The following EFHC2 variants were observed in gnomAD, a reference collection of about 807,000 sequenced individuals.
The protein encoded by EFHC2 is EF-hand domain containing 2.
EFHC2 carries 18 observed loss-of-function variants against 52.7 expected under a neutral mutation model. The observed-to-expected ratio is 0.34, with a 90% CI of 0.24 to 0.51. The LOEUF (loss-of-function observed/expected upper bound fraction) is 0.51, where lower values mean the gene tolerates loss of function less well. EFHC2 is among the 20% of genes least tolerant of loss of function. The pLI is 0.97. For missense variants in EFHC2, 513 were observed against 562.5 expected (o/e 0.91, Z 0.89); for synonymous variants, 203 against 204.1 (o/e 0.99, Z 0.04).
chrX:44,270,916 T>C lies in EFHC2; in HGVS notation c.382+1770A>G, dbSNP rs148622305. Among the ~76,000 whole-genome samples, 884 of 111,139 alleles carry C rather than the reference T, an allele frequency of 8.0e-3. 9 individuals carry two copies. The highest frequency in any genetic ancestry group is 0.028 in the African/African-American group (847 of 30,508). ...CCTTGCTTGAACCTCAGTTCTGGTC[T>C]CTAAACCATACTAGTAGCAGGGAAG... On this transcript the variant is annotated intron_variant, in intron 3 of 14. Coordinates refer to ENST00000420999, the MANE Select transcript of EFHC2 (RefSeq NM_025184.4).
chrX:44,159,840 C>T (rs1294604730), intron 14 of EFHC2, among the ~76,000 whole-genome samples: 1 of 112,864 alleles, frequency 8.9e-6, no homozygotes, highest in Admixed American at 9.3e-5. Flanking sequence ...GCCCAGCCCC[C>T]TGACTTGAGG....
chrX:44,274,587 T>G (rs964359241), intron 2 of EFHC2, among the ~76,000 whole-genome samples: 4 of 111,947 alleles, frequency 3.6e-5, no homozygotes, highest in Non-Finnish European at 7.5e-5. Context: ...GGTGAGTTTT[T>G]GTTATGTGAA....
At chrX:44,172,629 T>A (rs1569275942) in intron 13 of EFHC2, among the ~76,000 whole-genome samples, 1 of 112,122 alleles carries the variant, frequency 8.9e-6, no homozygotes, top group Non-Finnish European at 1.9e-5. Flanking sequence ...GTTTAGAGTA[T>A]CTTAGGCAGT....
rs188962682 is a variant in EFHC2, at chrX:44,271,335, A to C, written c.382+1351T>G. Among the ~76,000 whole-genome samples the C allele has an allele frequency of 2.3e-3, 252 of 111,851 alleles. 1 individual carries two copies. Among genetic ancestry groups the C allele is most frequent in the African/African-American group, 7.7e-3 (238 of 30,778 alleles). ...GTAGCTTAGGTGAGGATGGTAGTGAAGGGGATGGAAAGACATGGACATATT... is the reference window on the plus strand; with the variant it reads ...GTAGCTTAGGTGAGGATGGTAGTGACGGGGATGGAAAGACATGGACATATT... On this transcript the variant is annotated intron_variant, in intron 3 of 14. Transcript: ENST00000420999.
At chrX:44,221,594 C>T (rs1333847378) in intron 11 of EFHC2, among the ~76,000 whole-genome samples, 3 of 111,387 alleles carry the variant, frequency 2.7e-5, no homozygotes, top group Non-Finnish European at 5.7e-5. Context: ...ATTCTCAACC[C>T]CTTATTCTTC....
intron 2 of EFHC2, among the ~76,000 whole-genome samples, chrX:44,302,326 G>A (rs1294268266): frequency 8.9e-6 from 1 of 111,929 alleles, no homozygotes; most frequent in Non-Finnish European, 1.9e-5. Context: ...TGAGGGAAGG[G>A]CCTTAAAATG....
intron 2 of EFHC2, among the ~76,000 whole-genome samples, chrX:44,296,067 T>C (rs1481100751): frequency 1.8e-5 from 2 of 111,844 alleles, no homozygotes; most frequent in African/African-American, 6.5e-5. Context: ...CTCCCACTCA[T>C]ACTCTCTCTC....
At chrX:44,238,398 T>C (rs939702267) in intron 8 of EFHC2, among the ~76,000 whole-genome samples, 5 of 111,648 alleles carry the variant, frequency 4.5e-5, no homozygotes, top group African/African-American at 1.6e-4. Context: ...ACCACTGCCA[T>C]CTATAGTCTG....
At chrX:44,342,196 T>C (rs1292222670) in intron 1 of EFHC2, among the ~76,000 whole-genome samples, 1 of 112,444 alleles carries the variant, frequency 8.9e-6, no homozygotes, top group African/African-American at 3.2e-5. Context: ...AAAGTTGGAC[T>C]GACCAGACGT....
At chrX:44,232,410 C>A in intron 10 of EFHC2, 71 bp downstream of exon 10, 5 of 835,002 alleles carry the variant, frequency 6.0e-6, no homozygotes, top group Non-Finnish European at 8.0e-6. Flanking sequence ...GAAGAAAAGG[C>A]CCTAGAGAAA....
chrX:44,328,385 C>T (rs904102322), intron 1 of EFHC2, among the ~76,000 whole-genome samples: 10 of 111,708 alleles, frequency 9.0e-5, no homozygotes, highest in African/African-American at 3.3e-4. Context: ...GAAATGCTGG[C>T]TGAGACAATG....
Position 44,178,537 on chromosome X carries a change from T to G in EFHC2, c.1779A>C (p.Gly593=), listed in dbSNP as rs1386884445. Residue 593 remains glycine, a synonymous_variant, in exon 12 of 15, where the codon GGA becomes GGC. Transcript: ENST00000420999. Reference sequence around the variant, plus strand: ...TTACAAATTCTTGCTCTGCAAGGTTTCCAACAGTCAAAGACATCAATATGT... The same window carrying G: ...TTACAAATTCTTGCTCTGCAAGGTTGCCAACAGTCAAAGACATCAATATGT... The part of the protein sequence containing the change: ...FRDILMSLTV[G]NLAEQEFVTI... The G allele has an allele frequency of 8.3e-7, 1 of 1,198,635 alleles. No homozygotes were observed. The highest frequency in any genetic ancestry group is 3.0e-5 in the East Asian group (1 of 33,628).
rs758866914 is a variant in EFHC2 at position 44,148,816 on chromosome X, C to T, written c.2229G>A (p.Ala743=). ...YIDYWTFLKD[A]FGLEEE ...ATGGTTATTCCTCCTCTAAGCCAAA[C>T]GCGTCCTTCAAAAAGGTCCAGTAGT... Residue 743 remains alanine, a synonymous_variant, in exon 15 of 15, where the codon GCG becomes GCA. Transcript: ENST00000420999. The T allele has an allele frequency of 1.4e-5, 16 of 1,181,675 alleles. No homozygotes were observed. The highest frequency in any genetic ancestry group is 3.8e-5 in the South Asian group (2 of 52,730).
intron 11 of EFHC2, among the ~76,000 whole-genome samples, chrX:44,190,914 C>T (rs1240036376): frequency 9.0e-6 from 1 of 111,569 alleles, no homozygotes; most frequent in African/African-American, 3.3e-5. Context: ...TGGTTCCCAC[C>T]TTGTACCCTG....
chrX:44,256,064 C>A (rs1375920463), intron 4 of EFHC2, among the ~76,000 whole-genome samples: 2 of 111,826 alleles, frequency 1.8e-5, no homozygotes, highest in South Asian at 3.7e-4. Context: ...TAAATAAGTT[C>A]TTTGAAACAA....
rs763104805 is a variant in EFHC2, at chrX:44,252,325, T to C, written c.607-1880A>G. 3.6e-5 allele frequency among the ~76,000 whole-genome samples: 4 copies of C among 112,110 alleles called. No individual in the cohort carries two copies. The East Asian group carries it at 1.1e-3, about 31-fold the overall frequency. On this transcript the variant is annotated intron_variant, in intron 4 of 14. Transcript: ENST00000420999. ...GAAGTGCACACTGACAAGGGAGATG[T>C]TATCCCAAATCAGGTTATACAATCT...
intron 13 of EFHC2, among the ~76,000 whole-genome samples, chrX:44,172,461 C>CT (rs1200193890): frequency 7.6e-4 from 86 of 112,671 alleles, no homozygotes; most frequent in African/African-American, 2.6e-3. Flanking sequence ...GGTCAGGAAA[C>CT]AGTAGAGTTG....
intron 3 of EFHC2, among the ~76,000 whole-genome samples, chrX:44,269,393 G>A (rs2037600827): frequency 9.1e-6 from 1 of 110,182 alleles, no homozygotes; most frequent in Non-Finnish European, 1.9e-5. Context: ...ATATAGTTTG[G>A]ATATTTGTCC....
At chrX:44,293,677 C>A (rs539251421) in intron 2 of EFHC2, among the ~76,000 whole-genome samples, 3 of 111,616 alleles carry the variant, frequency 2.7e-5, no homozygotes, top group African/African-American at 9.8e-5. Context: ...TTAATAACCT[C>A]TATACATCAC....
Sources: gnomAD v4.1 joint callset for allele counts (sites outside exome capture counted in the v4.1 genomes callset) on GRCh38, gnomAD v4.1.1 for gene constraint, MANE v1.5 for transcripts, NCBI Gene and HGNC (gene_info 2026-07-23, HGNC 2026-07-21) for gene names.